The following LRRC7 variants were observed in gnomAD, a reference collection of about 807,000 sequenced individuals.
LRRC7 encodes leucine-rich repeat-containing protein 7.
In LRRC7, 23 loss-of-function variants were observed where a neutral mutation model predicts 175.7. That is an observed-to-expected ratio of 0.13 (90% CI 0.09 to 0.19). The LOEUF (loss-of-function observed/expected upper bound fraction) is 0.19, where lower values mean the gene tolerates loss of function less well. Ranked by LOEUF, LRRC7 falls within the 10% of genes least tolerant of loss-of-function variation. The pLI, the probability that LRRC7 is intolerant of heterozygous loss-of-function variation, is 1.00. For synonymous variants in LRRC7, 685 were observed against 680.9 expected (o/e 1.01, Z -0.09); for missense variants, 1,354 against 1,904.7 (o/e 0.71, Z 5.38).
chr1:69,925,893 A>C (rs796899588), intron 7 of LRRC7, among the ~76,000 whole-genome samples: 1 of 139,964 alleles, frequency 7.1e-6, no homozygotes, highest in South Asian at 2.3e-4. Context: ...TTGTGATGTT[A>C]GGGTGTCAAT....
intron 4 of LRRC7, among the ~76,000 whole-genome samples, chr1:69,809,564 A>T (rs11485651): frequency 0.015 from 2,332 of 152,290 alleles, 52 homozygotes; most frequent in African/African-American, 0.05. Flanking sequence ...GCACATTAAA[A>T]AGCTTATCCA....
At chr1:69,934,028 T>C (rs1425876932) in intron 8 of LRRC7, among the ~76,000 whole-genome samples, 1 of 152,180 alleles carries the variant, frequency 6.6e-6, no homozygotes, top group Non-Finnish European at 1.5e-5. Context: ...TGTTACTCAC[T>C]TTTAATCATA....
chr1:69,725,864 G>A (rs192273107), intron 2 of LRRC7, among the ~76,000 whole-genome samples: 14 of 152,290 alleles, frequency 9.2e-5, no homozygotes, highest in Admixed American at 8.5e-4. Flanking sequence ...TGAGTGTTCC[G>A]ATACCAGGAA....
intron 3 of LRRC7, among the ~76,000 whole-genome samples, chr1:69,786,831 T>A (rs1409882338): frequency 6.6e-6 from 1 of 152,150 alleles, no homozygotes; most frequent in Non-Finnish European, 1.5e-5. Context: ...ACCATATCAT[T>A]CTGCCCCTGT....
chr1:69,613,985 ATAT>A (rs900979497), intron 1 of LRRC7, among the ~76,000 whole-genome samples: 1 of 152,042 alleles, frequency 6.6e-6, no homozygotes, highest in African/African-American at 2.4e-5. Context: ...AAATATAATA[ATAT>A]TTATCTATCC....
chr1:69,839,835 T>G (rs981631821), intron 7 of LRRC7, among the ~76,000 whole-genome samples: 2 of 152,084 alleles, frequency 1.3e-5, no homozygotes, highest in African/African-American at 4.8e-5. Flanking sequence ...AAACCTGATA[T>G]AGATTGATAA....
At chr1:69,760,475 C>A in intron 3 of LRRC7, 82 bp downstream of exon 3, 2 of 1,127,794 alleles carry the variant, frequency 1.8e-6, no homozygotes, top group South Asian at 1.4e-5. Flanking sequence ...GTAATGTGAA[C>A]TATGGGCTCC....
chr1:69,769,661 A>C (rs895268369), intron 3 of LRRC7, among the ~76,000 whole-genome samples: 1 of 152,206 alleles, frequency 6.6e-6, no homozygotes, highest in African/African-American at 2.4e-5. Flanking sequence ...TTGAAATCCA[A>C]AACACTCTGG....
At chr1:69,796,413 C>T (rs1010225516) in intron 4 of LRRC7, among the ~76,000 whole-genome samples, 1 of 151,894 alleles carries the variant, frequency 6.6e-6, no homozygotes, top group African/African-American at 2.4e-5. Flanking sequence ...ATATTATCTT[C>T]TTATCTTCTC....
chr1:69,891,869 C>T (rs1019477689), intron 7 of LRRC7, among the ~76,000 whole-genome samples: 1 of 152,014 alleles, frequency 6.6e-6, no homozygotes, highest in African/African-American at 2.4e-5. Context: ...TAGACTTGCT[C>T]AACACAGGGT....
intron 1 of LRRC7, among the ~76,000 whole-genome samples, chr1:69,653,618 G>A (rs1053128411): frequency 1.3e-5 from 2 of 151,990 alleles, no homozygotes; most frequent in Non-Finnish European, 2.9e-5. Context: ...TTTATAAAAA[G>A]AACTACCATA....
chr1:69,764,410 C>G (rs1671374566), intron 3 of LRRC7, among the ~76,000 whole-genome samples: 1 of 151,834 alleles, frequency 6.6e-6, no homozygotes, highest in African/African-American at 2.4e-5. Flanking sequence ...CAACATATGA[C>G]TAAAATTGAA....
chr1:69,585,345 A>C (rs903145307), intron 1 of LRRC7, among the ~76,000 whole-genome samples: 5 of 152,178 alleles, frequency 3.3e-5, no homozygotes, highest in African/African-American at 1.2e-4. Flanking sequence ...CAATTCAAAG[A>C]GCAAAAGGGA....
At chr1:69,911,283 T>C (rs1456995912) in intron 7 of LRRC7, among the ~76,000 whole-genome samples, 1 of 152,224 alleles carries the variant, frequency 6.6e-6, no homozygotes, top group Non-Finnish European at 1.5e-5. Context: ...TCACCCATCT[T>C]CTGCATCACT....
rs541730277 is a variant in LRRC7, at chr1:69,723,022, G to A, written c.101-37169G>A. On this transcript the variant is annotated intron_variant, in intron 2 of 26. Coordinates refer to ENST00000651989, the MANE Select transcript of LRRC7 (RefSeq NM_001370785.2). ...GTTAGTTTTTACCATCATTTTTAAA[G>A]GTATATGAGGTAAAAGACATCTTTT... 4.6e-5 allele frequency among the ~76,000 whole-genome samples: 7 copies of A among 151,970 alleles called. No individual in the cohort carries two copies. In the East Asian group the frequency reaches 1.4e-3, roughly 29 times the overall value.
At chr1:69,686,342 A>G (rs1217182689) in intron 2 of LRRC7, among the ~76,000 whole-genome samples, 1 of 152,218 alleles carries the variant, frequency 6.6e-6, no homozygotes, top group Non-Finnish European at 1.5e-5. Context: ...TAAAAACAGA[A>G]GTATGAATAA....
At chr1:69,788,342 G>C (rs960913906) in intron 3 of LRRC7, among the ~76,000 whole-genome samples, 2 of 152,190 alleles carry the variant, frequency 1.3e-5, no homozygotes, top group African/African-American at 4.8e-5. Flanking sequence ...ATAAAGCAGT[G>C]AGTGAGTGTG....
intron 7 of LRRC7, among the ~76,000 whole-genome samples, chr1:69,842,970 A>G (rs1229364897): frequency 6.6e-6 from 1 of 152,054 alleles, no homozygotes; most frequent in Non-Finnish European, 1.5e-5. Context: ...AGACCAAGGC[A>G]GGCCAATCAC....
chr1:69,964,032 A>G (rs1398413188), intron 8 of LRRC7, among the ~76,000 whole-genome samples: 1 of 152,174 alleles, frequency 6.6e-6, no homozygotes, highest in Non-Finnish European at 1.5e-5. Context: ...ACATCATGCT[A>G]GGTGTGAACC....
Sources: allele counts gnomAD v4.1 joint callset (sites outside exome capture counted in the v4.1 genomes callset), GRCh38; gene constraint gnomAD v4.1.1; transcripts MANE v1.5; gene names NCBI Gene and HGNC (gene_info 2026-07-23, HGNC 2026-07-21).